DPRX: variants seen among roughly 807,000 people sequenced by gnomAD.
DPRX encodes divergent paired-related homeobox.
A neutral mutation model predicts 8.4 loss-of-function variants in DPRX; 11 were observed. The observed-to-expected ratio is 1.31, with a 90% CI of 0.82 to 2.17. DPRX has a LOEUF of 2.17. DPRX is among the 30% of genes most tolerant of loss of function. The pLI is 0.00. For missense variants in DPRX, 211 were observed against 236.7 expected (o/e 0.89, Z 0.71); for synonymous variants, 72 against 87.0 (o/e 0.83, Z 0.96).
the DPRX span, among the ~76,000 whole-genome samples, chr19:53,605,397 G>T: frequency 5.6e-5 from 8 of 143,378 alleles, no homozygotes; most frequent in Non-Finnish European, 9.0e-5. Flanking sequence ...TTTTTTTTGA[G>T]ACGGAGTCTC....
At chr19:53,607,650 G>A in the DPRX span, among the ~76,000 whole-genome samples, 36 of 149,256 alleles carry the variant, frequency 2.4e-4, no homozygotes, top group Admixed American at 4.8e-4. Flanking sequence ...TCAGGAGTTT[G>A]AGACCAGCCT....
upstream of DPRX, chr19:53,629,637 A>G (rs972825926): frequency 5.9e-5 from 9 of 151,782 alleles, no homozygotes; most frequent in African/African-American, 2.2e-4. Flanking sequence ...TTCTGACACT[A>G]TCACAAGATA....
In DPRX at chr19:53,635,935, G is replaced by T. The variant is rs146179573; in HGVS notation, c.184-661G>T. ...CCCTGCTCTGGGTTTTCTGACCCCT[G>T]TCTCAATTTCTGTCCCCAAAATCTC... On this transcript the variant is annotated intron_variant, in intron 2 of 2. Coordinates refer to ENST00000376650, the Ensembl canonical transcript of DPRX. Among the ~76,000 whole-genome samples the T allele has an allele frequency of 3.0e-3, 450 of 152,204 alleles. 4 individuals carry two copies. The highest frequency in any genetic ancestry group is 0.01 in the African/African-American group (433 of 41,544).
At chr19:53,634,122 G>A (rs1055342574) in intron 1 of DPRX, among the ~76,000 whole-genome samples, 8 of 152,026 alleles carry the variant, frequency 5.3e-5, no homozygotes, top group African/African-American at 1.9e-4. Context: ...GGCCAGCAGT[G>A]TCTCCATATC....
chr19:53,605,411 C>T, the DPRX span, among the ~76,000 whole-genome samples: 1 of 147,936 alleles, frequency 6.8e-6, no homozygotes, highest in South Asian at 2.1e-4. Context: ...GAGTCTCGCT[C>T]TGTCGCTCAG....
chr19:53,634,786 T>C, intron 2 of DPRX, 101 bp downstream of exon 2: 1 of 1,457,860 alleles, frequency 6.9e-7, no homozygotes, highest in Non-Finnish European at 9.2e-7. Flanking sequence ...CAATCGCCAA[T>C]ATTCCCCAAA....
the DPRX span, chr19:53,601,256 G>A: frequency 9.6e-4 from 437 of 455,942 alleles, 1 homozygote; most frequent in African/African-American, 7.9e-3. Flanking sequence ...TTTCCAGGAA[G>A]CCACTCACCA....
At chr19:53,609,576 T>A in the DPRX span, among the ~76,000 whole-genome samples, 1 of 147,344 alleles carries the variant, frequency 6.8e-6, no homozygotes, top group Non-Finnish European at 1.5e-5. Context: ...TAAATCCACG[T>A]GTGTACCGGC....
the DPRX span, among the ~76,000 whole-genome samples, chr19:53,615,100 G>T: frequency 6.6e-6 from 1 of 151,898 alleles, no homozygotes; most frequent in Non-Finnish European, 1.5e-5. Flanking sequence ...ACCCAGGCTG[G>T]AGTGCTTCAG....
At chr19:53,614,987 A>T in the DPRX span, among the ~76,000 whole-genome samples, 1 of 152,068 alleles carries the variant, frequency 6.6e-6, no homozygotes, top group South Asian at 2.1e-4. Flanking sequence ...ATATACTTTT[A>T]AAAAGATCAT....
the DPRX span, chr19:53,617,275 C>G: frequency 1.4e-6 from 1 of 719,804 alleles, no homozygotes. Flanking sequence ...AAGAAGAAAT[C>G]AGGCTGGGTG....
At chr19:53,635,301 C>A (rs1394883056) in intron 2 of DPRX, among the ~76,000 whole-genome samples, 2 of 152,126 alleles carry the variant, frequency 1.3e-5, no homozygotes, top group East Asian at 1.9e-4. Context: ...TAAGCCACTG[C>A]GCCTGGCCTG....
chr19:53,627,449 T>TTC (rs2122150799), upstream of DPRX, among the ~76,000 whole-genome samples: 1 of 149,472 alleles, frequency 6.7e-6, no homozygotes, highest in African/African-American at 2.4e-5. Flanking sequence ...CTTTTTTTTT[T>TTC]TTTTGGAGAC....
the DPRX span, among the ~76,000 whole-genome samples, chr19:53,614,483 G>GT: frequency 1.3e-5 from 2 of 152,032 alleles, no homozygotes; most frequent in Non-Finnish European, 1.5e-5. Context: ...AGAATTACTT[G>GT]AGACCAGGAG....
the DPRX span, among the ~76,000 whole-genome samples, chr19:53,612,386 C>G: frequency 6.6e-6 from 1 of 151,200 alleles, no homozygotes; most frequent in Non-Finnish European, 1.5e-5. Flanking sequence ...AAACAAAACA[C>G]AAAAAAGCAG....
the DPRX span, chr19:53,603,518 G>C: frequency 2.4e-6 from 1 of 409,066 alleles, no homozygotes; most frequent in Middle Eastern, 3.5e-4. Context: ...TCGGCTTCTC[G>C]TTCTTGCTGA....
At chr19:53,604,759 C>A in the DPRX span, among the ~76,000 whole-genome samples, 461 of 150,880 alleles carry the variant, frequency 3.1e-3, 2 homozygotes, top group African/African-American at 0.01. Context: ...AGGAGAATCG[C>A]GTGGACCTGG....
At chr19:53,635,844 C>G (rs1302423288) in intron 2 of DPRX, among the ~76,000 whole-genome samples, 1 of 152,156 alleles carries the variant, frequency 6.6e-6, no homozygotes, top group East Asian at 1.9e-4. Context: ...GATTTGGCCA[C>G]CAGCCTTAGC....
At chr19:53,608,008 A>G in the DPRX span, among the ~76,000 whole-genome samples, 1 of 151,082 alleles carries the variant, frequency 6.6e-6, no homozygotes, top group South Asian at 2.1e-4. Flanking sequence ...CCCCATCTCT[A>G]TTAAAAATAC....
Sources: gnomAD v4.1 joint callset for allele counts (sites outside exome capture counted in the v4.1 genomes callset) on GRCh38, gnomAD v4.1.1 for gene constraint, MANE v1.5 for transcripts, NCBI Gene and HGNC (gene_info 2026-07-23, HGNC 2026-07-21) for gene names.